SWT1: variants seen among roughly 807,000 people sequenced by gnomAD.
SWT1 encodes transcriptional protein SWT1.
A neutral mutation model predicts 107.3 loss-of-function variants in SWT1; 33 were observed. That is an observed-to-expected ratio of 0.31 (90% CI 0.23 to 0.41). SWT1 has a LOEUF of 0.41. Among genes scored for constraint, SWT1 ranks in the 10% least tolerant of loss-of-function variants. The pLI, the probability that SWT1 is intolerant of heterozygous loss-of-function variation, is 1.00. For missense variants in SWT1, 898 were observed against 1,028.9 expected, an observed-to-expected ratio of 0.87 and a Z score of 1.74; for synonymous variants, 345 against 348.3, an observed-to-expected ratio of 0.99 and a Z score of 0.11.
In SWT1 at chr1:185,280,440, A is replaced by T. The variant is rs1664544601; in HGVS notation, c.2573+3772A>T. Among the ~76,000 whole-genome samples the T allele has an allele frequency of 2.6e-5, 4 of 152,142 alleles. No homozygotes were observed. In the South Asian group the frequency reaches 8.3e-4, roughly 32 times the overall value. Reference sequence around the variant, plus strand: ...TAAAACCCTAGATAGGACTTCTGGGATAATCTTTTGTTCTAATCTTTGGTC... The same window carrying T: ...TAAAACCCTAGATAGGACTTCTGGGTTAATCTTTTGTTCTAATCTTTGGTC... On this transcript the variant is annotated intron_variant, in intron 18 of 18. Transcript: ENST00000367500.
At chr1:185,277,657 AGATTCC>A (rs1303147165) in intron 18 of SWT1, among the ~76,000 whole-genome samples, 2 of 152,194 alleles carry the variant, frequency 1.3e-5, no homozygotes, top group African/African-American at 4.8e-5. Flanking sequence ...AGAGAGTCTT[AGATTCC>A]CTGTGGTCCC....
At chr1:185,269,528 A>G (rs953934960) in intron 16 of SWT1, among the ~76,000 whole-genome samples, 1 of 152,024 alleles carries the variant, frequency 6.6e-6, no homozygotes, top group African/African-American at 2.4e-5. Context: ...GTCCCGAAAA[A>G]CTATTTATGA....
chr1:185,204,360 A>C (rs907547638), intron 11 of SWT1, among the ~76,000 whole-genome samples: 1 of 152,164 alleles, frequency 6.6e-6, no homozygotes, highest in Non-Finnish European at 1.5e-5. Context: ...GTTGTGAATA[A>C]ATCCAAGGCA....
intron 1 of SWT1, among the ~76,000 whole-genome samples, chr1:185,160,388 C>G (rs1233825483): frequency 6.6e-6 from 1 of 152,066 alleles, no homozygotes; most frequent in East Asian, 1.9e-4. Flanking sequence ...ATGAGAGAAT[C>G]TTGTCATATT....
intron 14 of SWT1, among the ~76,000 whole-genome samples, chr1:185,215,132 T>C (rs144246782): frequency 6.6e-6 from 1 of 152,352 alleles, no homozygotes; most frequent in Non-Finnish European, 1.5e-5. Context: ...ACAAGAGCAG[T>C]ACAAAGAATT....
At chr1:185,188,512 A>G (rs552980361) in intron 9 of SWT1, among the ~76,000 whole-genome samples, 1 of 152,318 alleles carries the variant, frequency 6.6e-6, no homozygotes, top group Non-Finnish European at 1.5e-5. Context: ...AAGAAATTTA[A>G]TCACATCTTC....
intron 4 of SWT1, among the ~76,000 whole-genome samples, chr1:185,170,511 C>T (rs190228873): frequency 3.3e-5 from 5 of 152,240 alleles, no homozygotes; most frequent in Non-Finnish European, 7.4e-5. Context: ...TTCTTCGTGC[C>T]CCCATTCAGG....
At chr1:185,161,742 A>C (rs1262109920) in intron 2 of SWT1, among the ~76,000 whole-genome samples, 1 of 152,182 alleles carries the variant, frequency 6.6e-6, no homozygotes, top group Non-Finnish European at 1.5e-5. Context: ...GATGAAATTT[A>C]GGGTATCTCA....
chr1:185,245,958 G>A lies in SWT1; in HGVS notation c.2441+14250G>A, dbSNP rs560775123. Among the ~76,000 whole-genome samples, 9 of 151,886 alleles carry A rather than the reference G, an allele frequency of 5.9e-5. No homozygotes were observed. The East Asian group carries it at 1.7e-3, about 29-fold the overall frequency. On this transcript the variant is annotated intron_variant, in intron 16 of 18. Coordinates refer to ENST00000367500, the MANE Select transcript of SWT1 (RefSeq NM_017673.7). ...TAATTTTTGTATTTTTGTATAGAGG[G>A]GGTTTTACCATGTTAGCCAGGCTGG...
chr1:185,175,918 C>T (rs1374313763), intron 5 of SWT1, among the ~76,000 whole-genome samples: 2 of 152,034 alleles, frequency 1.3e-5, no homozygotes, highest in Non-Finnish European at 2.9e-5. Flanking sequence ...AAGTATAATA[C>T]CTATCACTTA....
At position 185,231,718 on chromosome 1, in the gene SWT1, A is replaced by G. The variant is rs373090676; in HGVS notation, c.2441+10A>G. ...TTGAAGGAATTCAAAGGTAAACACT[A>G]TATTAATTTTAAAGTGTTATTTACT... On this transcript the variant is annotated intron_variant, in intron 16 of 18. Transcript: ENST00000367500. 8.4e-5 allele frequency: 134 copies of G among 1,586,524 alleles called. No individual in the cohort carries two copies. Among genetic ancestry groups the G allele is most frequent in the African/African-American group, 7.8e-4 (58 of 73,934 alleles).
intron 11 of SWT1, among the ~76,000 whole-genome samples, chr1:185,203,745 C>A (rs1658080077): frequency 6.6e-6 from 1 of 151,868 alleles, no homozygotes; most frequent in Admixed American, 6.6e-5. Context: ...ATAAGTACAT[C>A]CCACCTTTCC....
At chr1:185,288,402 C>T (rs1665069275) in intron 18 of SWT1, among the ~76,000 whole-genome samples, 2 of 152,074 alleles carry the variant, frequency 1.3e-5, no homozygotes, top group Non-Finnish European at 2.9e-5. Flanking sequence ...TCAGAGAAAC[C>T]ACACATTGTC....
chr1:185,275,038 G>A (rs1664144701), intron 17 of SWT1, among the ~76,000 whole-genome samples: 2 of 152,064 alleles, frequency 1.3e-5, no homozygotes, highest in Non-Finnish European at 2.9e-5. Context: ...TATGTGGATG[G>A]TTGCTTTTAC....
At chr1:185,164,098 C>A (rs973441901) in intron 2 of SWT1, among the ~76,000 whole-genome samples, 1 of 152,138 alleles carries the variant, frequency 6.6e-6, no homozygotes, top group Non-Finnish European at 1.5e-5. Context: ...CAACATTCAT[C>A]TCTTTGTACA....
intron 1 of SWT1, among the ~76,000 whole-genome samples, chr1:185,158,277 G>C (rs1380742016): frequency 6.6e-6 from 1 of 152,024 alleles, no homozygotes; most frequent in Non-Finnish European, 1.5e-5. Context: ...GGGTGTGTGT[G>C]TGTGTTTAAC....
At chr1:185,167,265 C>G (rs1654663148) in intron 3 of SWT1, among the ~76,000 whole-genome samples, 1 of 152,162 alleles carries the variant, frequency 6.6e-6, no homozygotes, top group East Asian at 1.9e-4. Flanking sequence ...AGTGACTTTT[C>G]CAAGGCCACA....
rs75087078 is a variant in SWT1 at position 185,261,673 on chromosome 1, C to CT, written c.2442-9635dup. On this transcript the variant is annotated intron_variant, in intron 16 of 18. Transcript: ENST00000367500. ...CCTCACCAATGCCTGTGATTTTCTG[C>CT]TTTTTTTTTTTTTTTAAATAGTAGT... 3.8e-3 allele frequency among the ~76,000 whole-genome samples: 557 copies of CT among 144,834 alleles called. 2 individuals carry two copies. The highest frequency in any genetic ancestry group is 4.9e-3 in the Non-Finnish European group (323 of 65,414).
intron 18 of SWT1, among the ~76,000 whole-genome samples, chr1:185,282,678 T>TG (rs372295993): frequency 3.9e-5 from 6 of 152,102 alleles, no homozygotes; most frequent in African/African-American, 9.6e-5. Flanking sequence ...TTGTCTGAAG[T>TG]GGGGGGCAGT....
Sources: allele counts gnomAD v4.1 joint callset (sites outside exome capture counted in the v4.1 genomes callset), GRCh38; gene constraint gnomAD v4.1.1; transcripts MANE v1.5; gene names NCBI Gene and HGNC (gene_info 2026-07-23, HGNC 2026-07-21).